Variants in UIMC1 observed in about 807,000 individuals in gnomAD.
UIMC1 encodes BRCA1-A complex subunit RAP80.
In UIMC1, 42 loss-of-function variants were observed where a neutral mutation model predicts 84.9. The observed-to-expected ratio is 0.49, with a 90% CI of 0.39 to 0.64. The LOEUF is 0.64. UIMC1 is among the 30% of genes least tolerant of loss of function. The pLI is 0.00. For missense variants in UIMC1, 825 were observed against 847.6 expected (o/e 0.97, Z 0.33); for synonymous variants, 281 against 293.0 (o/e 0.96, Z 0.42).
intron 11 of UIMC1, 105 bp from the exon 12 acceptor site, chr5:176,908,799 T>C: frequency 1.7e-6 from 2 of 1,203,758 alleles, no homozygotes; most frequent in East Asian, 2.4e-5. Context: ...AAAGTTATTC[T>C]ATGGAGGAGA....
At chr5:176,933,954 C>T (rs966582518) in intron 10 of UIMC1, among the ~76,000 whole-genome samples, 1 of 152,152 alleles carries the variant, frequency 6.6e-6, no homozygotes, top group Non-Finnish European at 1.5e-5. Flanking sequence ...AGATTTAATA[C>T]CTTCCTTTGT....
At chr5:176,943,533 T>G (rs756123513) in intron 9 of UIMC1, 45 bp from the exon 10 acceptor site, 5 of 1,600,284 alleles carry the variant, frequency 3.1e-6, no homozygotes, top group Admixed American at 3.4e-5. Context: ...TTAGTTCATA[T>G]CATTCCCTAC....
In UIMC1 at chr5:176,969,599, GC is replaced by G; in HGVS notation, c.463+1del. ...GGAAGGAGTCAGAACAGGGAGACAT[GC>G]CTTCAGTGAGCCCAGAGTCTGTGGT... On this transcript the variant is annotated splice_donor_variant, in intron 5 of 14. Coordinates refer to ENST00000511320, the MANE Select transcript of UIMC1 (RefSeq NM_001199298.2). LOFTEE classifies it high-confidence loss of function. The G allele has an allele frequency of 1.2e-6, 2 of 1,613,682 alleles. No individual in the cohort carries two copies. Among genetic ancestry groups the G allele is most frequent in the Non-Finnish European group, 1.7e-6 (2 of 1,179,612 alleles).
intron 10 of UIMC1, among the ~76,000 whole-genome samples, chr5:176,920,159 T>C (rs1257154373): frequency 1.3e-5 from 2 of 152,080 alleles, no homozygotes; most frequent in Non-Finnish European, 2.9e-5. Flanking sequence ...GTAGCTGGGA[T>C]TACAGGCATG....
intron 10 of UIMC1, among the ~76,000 whole-genome samples, chr5:176,916,882 A>C: frequency 6.6e-6 from 1 of 152,228 alleles, no homozygotes; most frequent in East Asian, 1.9e-4. Context: ...TACTATATAA[A>C]CATCAACATA....
At chr5:176,916,694 A>C (rs1282770318) in intron 10 of UIMC1, among the ~76,000 whole-genome samples, 1 of 152,222 alleles carries the variant, frequency 6.6e-6, no homozygotes, top group Admixed American at 6.5e-5. Flanking sequence ...AATTTTCATT[A>C]TTCTTCTTCC....
chr5:176,966,738 A>C (rs1053439056), intron 6 of UIMC1, among the ~76,000 whole-genome samples: 1 of 152,206 alleles, frequency 6.6e-6, no homozygotes, highest in African/African-American at 2.4e-5. Flanking sequence ...AAACCACTAC[A>C]AGCAAAATAA....
chr5:176,938,622 TA>T (rs2149435690), intron 10 of UIMC1, among the ~76,000 whole-genome samples: 1 of 152,248 alleles, frequency 6.6e-6, no homozygotes, highest in South Asian at 2.1e-4. Flanking sequence ...AAGACGAAGC[TA>T]TTGTTTAGTG....
chr5:176,909,780 C>T (rs568394433), intron 11 of UIMC1, among the ~76,000 whole-genome samples: 51 of 152,172 alleles, frequency 3.4e-4, no homozygotes, highest in Non-Finnish European at 6.8e-4. Flanking sequence ...TCAATTAATG[C>T]AAAAAACATT....
At chr5:176,991,361 AT>A (rs1772810361) in intron 1 of UIMC1, among the ~76,000 whole-genome samples, 1 of 151,982 alleles carries the variant, frequency 6.6e-6, no homozygotes, top group African/African-American at 2.4e-5. Context: ...TGCTACTACC[AT>A]AATGAAGACT....
intron 1 of UIMC1, among the ~76,000 whole-genome samples, chr5:176,983,400 G>T (rs1263812917): frequency 6.6e-6 from 1 of 151,568 alleles, no homozygotes; most frequent in Non-Finnish European, 1.5e-5. Flanking sequence ...ACTCCTGACT[G>T]GTTTTTGTAT....
chr5:177,009,751 C>T (rs909450527), upstream of UIMC1, among the ~76,000 whole-genome samples: 3 of 151,810 alleles, frequency 2.0e-5, no homozygotes, highest in African/African-American at 7.3e-5. This position sits in a 1 kb window ranked among gnomAD's most constrained non-coding sequence, Gnocchi z 4.3. Context: ...AAAATAAAAA[C>T]AGGCCTAGCA....
chr5:176,985,573 C>G (rs559142540), intron 1 of UIMC1, among the ~76,000 whole-genome samples: 1 of 151,760 alleles, frequency 6.6e-6, no homozygotes, highest in African/African-American at 2.4e-5. Flanking sequence ...TAGATAATTG[C>G]TTTTCTTGAC....
chr5:176,956,214 G>A (rs570207678), intron 7 of UIMC1, among the ~76,000 whole-genome samples, 179 bp from the exon 8 acceptor site: 1 of 152,318 alleles, frequency 6.6e-6, no homozygotes, highest in South Asian at 2.1e-4. Context: ...CAGAAATATG[G>A]AAAATAAATA....
chr5:176,977,240 A>G lies in UIMC1; in HGVS notation c.148-1760T>C, dbSNP rs558861490. On this transcript the variant is annotated intron_variant, in intron 2 of 14. Coordinates refer to ENST00000511320, the MANE Select transcript of UIMC1 (RefSeq NM_001199298.2). ...TTCTGTCTCAAAAAAAAAAAAAAAAAAGAGAGAGAGAGAAATAAGACAAAT... is the reference window on the plus strand; with the variant it reads ...TTCTGTCTCAAAAAAAAAAAAAAAAGAGAGAGAGAGAGAAATAAGACAAAT... 2.3e-3 allele frequency among the ~76,000 whole-genome samples: 347 copies of G among 151,300 alleles called. 2 individuals carry two copies. The highest frequency in any genetic ancestry group is 7.3e-3 in the African/African-American group (302 of 41,196).
intron 9 of UIMC1, among the ~76,000 whole-genome samples, chr5:176,944,684 G>A (rs1447627311): frequency 6.6e-6 from 1 of 152,168 alleles, no homozygotes. Context: ...GGGTCTTTTG[G>A]GGTAAGAGGT....
At chr5:177,019,536 G>C (rs189696277) in intron 1 of UIMC1, among the ~76,000 whole-genome samples, 1 of 152,058 alleles carries the variant, frequency 6.6e-6, no homozygotes, top group Admixed American at 6.6e-5. Flanking sequence ...TTGCTACTCA[G>C]GAGGCTGAGG....
chr5:176,943,703 T>C (rs181487593), intron 9 of UIMC1, among the ~76,000 whole-genome samples: 1 of 152,372 alleles, frequency 6.6e-6, no homozygotes, highest in Non-Finnish European at 1.5e-5. Flanking sequence ...TCTACATGTA[T>C]TACTCGTTTA....
intron 10 of UIMC1, among the ~76,000 whole-genome samples, chr5:176,927,626 A>G (rs1762536937): frequency 6.6e-6 from 1 of 152,336 alleles, no homozygotes; most frequent in African/African-American, 2.4e-5. Context: ...TGTAAAATAC[A>G]TAAATGTATG....
Sources: allele counts gnomAD v4.1 joint callset (sites outside exome capture counted in the v4.1 genomes callset), GRCh38; gene constraint gnomAD v4.1.1; non-coding constraint Gnocchi (gnomAD v3.1); transcripts MANE v1.5; gene names NCBI Gene and HGNC (gene_info 2026-07-23, HGNC 2026-07-21).